TMEM50A: variants seen among roughly 807,000 people sequenced by gnomAD.
TMEM50A encodes cervical cancer oncogene 9.
TMEM50A carries 8 observed loss-of-function variants against 23.9 expected under a neutral mutation model. The ratio of observed to expected loss-of-function variants is 0.33; its 90% CI spans 0.20 to 0.60. The LOEUF is 0.60. TMEM50A is among the 20% of genes least tolerant of loss of function. TMEM50A has a pLI of 0.81. For missense variants in TMEM50A, 178 were observed against 192.7 expected, an observed-to-expected ratio of 0.92 and a Z score of 0.45; for synonymous variants, 55 against 60.4, an observed-to-expected ratio of 0.91 and a Z score of 0.41.
At chr1:25,338,536 G>T in intron 1 of TMEM50A, 80 bp downstream of exon 1, 1 of 152,604 alleles carries the variant, frequency 6.6e-6, no homozygotes, top group Non-Finnish European at 1.5e-5. Context: ...CCGTCTGACG[G>T]GCTGGTGCCC....
chr1:25,351,837 G>T (rs1287679368), intron 4 of TMEM50A, 144 bp downstream of exon 4: 15 of 712,458 alleles, frequency 2.1e-5, no homozygotes, highest in Admixed American at 2.1e-4. Flanking sequence ...TATGTTTTGG[G>T]CTTGAAATTG....
rs1645420609 is a variant in TMEM50A, at chr1:25,362,277, G to C, written c.*1572G>C. ...AATTAACCCAAAACTTTAATAATGTGTCTGTAACCAAGAAAATATTGATAG... is the reference window on the plus strand; with the variant it reads ...AATTAACCCAAAACTTTAATAATGTCTCTGTAACCAAGAAAATATTGATAG... On this transcript the variant is annotated 3_prime_UTR_variant, in exon 7 of 7. Transcript: ENST00000374358. 1 of 796,832 alleles carries C rather than the reference G, an allele frequency of 1.3e-6. No individual in the cohort carries two copies. The highest frequency in any genetic ancestry group is 1.9e-5 in the South Asian group (1 of 53,492). 49.4% of individuals were successfully genotyped at this position (796,832 alleles called of 1,614,324 possible). A position where few individuals can be genotyped will look rare whatever the true frequency, so the allele number is the denominator to read the frequency against.
intron 1 of TMEM50A, among the ~76,000 whole-genome samples, chr1:25,339,195 G>A (rs1045870411): frequency 7.2e-5 from 11 of 152,208 alleles, no homozygotes; most frequent in African/African-American, 2.7e-4. Flanking sequence ...AGGAGTTTGG[G>A]TGTTGTTATT....
At chr1:25,351,542 C>G (rs1645275599) in intron 3 of TMEM50A, 84 bp from the exon 4 acceptor site, 2 of 1,218,758 alleles carry the variant, frequency 1.6e-6, no homozygotes, top group Admixed American at 2.4e-5. Flanking sequence ...CAGGCCTAAC[C>G]TTACATTTGA....
chr1:25,351,542 C>A, intron 3 of TMEM50A, 84 bp from the exon 4 acceptor site: 2 of 1,218,858 alleles, frequency 1.6e-6, no homozygotes, highest in Non-Finnish European at 2.3e-6. Flanking sequence ...CAGGCCTAAC[C>A]TTACATTTGA....
rs1405637075 is a variant in TMEM50A, at chr1:25,355,995, G to A, written c.368-798G>A. Reference sequence around the variant, plus strand: ...GACTGTGCTGTAAAATATATCCTGAGTCTAACCACCATTTACCATCTCTCC... The same window carrying A: ...GACTGTGCTGTAAAATATATCCTGAATCTAACCACCATTTACCATCTCTCC... On this transcript the variant is annotated intron_variant, in intron 5 of 6. Coordinates refer to ENST00000374358, the MANE Select transcript of TMEM50A (RefSeq NM_014313.4). Among the ~76,000 whole-genome samples the A allele has an allele frequency of 3.3e-5, 5 of 152,234 alleles. No homozygotes were observed. In the South Asian group the frequency reaches 1.0e-3, roughly 32 times the overall value.
intron 2 of TMEM50A, among the ~76,000 whole-genome samples, chr1:25,341,780 G>A (rs1239717666): frequency 1.3e-5 from 2 of 152,014 alleles, no homozygotes; most frequent in African/African-American, 4.8e-5. Context: ...TTGCAACCTC[G>A]ACCTCCCGGG....
chr1:25,351,978 A>G (rs1381123531), intron 4 of TMEM50A, among the ~76,000 whole-genome samples: 3 of 152,226 alleles, frequency 2.0e-5, no homozygotes, highest in Non-Finnish European at 4.4e-5. Flanking sequence ...CCATTTATTT[A>G]TAGCAAATCT....
intron 5 of TMEM50A, among the ~76,000 whole-genome samples, chr1:25,354,639 GAAA>G (rs1476270196): frequency 6.6e-6 from 1 of 151,922 alleles, no homozygotes. Context: ...AAGAAAAAAA[GAAA>G]AAGAAGTAAT....
rs1355496028 is a variant in TMEM50A at position 25,362,148 on chromosome 1, G to A, written c.*1443G>A. 1 of 377,424 alleles carries A rather than the reference G, an allele frequency of 2.6e-6. No homozygotes were observed. The highest frequency in any genetic ancestry group is 4.2e-5 in the Admixed American group (1 of 24,002). 23.4% of individuals were successfully genotyped at this position (377,424 alleles called of 1,614,324 possible). On this transcript the variant is annotated 3_prime_UTR_variant, in exon 7 of 7. Coordinates refer to ENST00000374358, the MANE Select transcript of TMEM50A (RefSeq NM_014313.4). ...CACAAGGACTAAGTATCAGTGATTTGTAATTTTCCTGTTTTGTATTATCTG... is the reference window on the plus strand; with the variant it reads ...CACAAGGACTAAGTATCAGTGATTTATAATTTTCCTGTTTTGTATTATCTG...
intron 6 of TMEM50A, among the ~76,000 whole-genome samples, chr1:25,357,528 A>AGT (rs58801158): frequency 0.43 from 59,197 of 138,850 alleles, 12,492 homozygotes; most frequent in East Asian, 0.58. Context: ...CTGCATCAGG[A>AGT]GTGTGTGTGT....
intron 3 of TMEM50A, among the ~76,000 whole-genome samples, chr1:25,346,868 A>C (rs1645223961): frequency 6.6e-6 from 1 of 151,980 alleles, no homozygotes; most frequent in African/African-American, 2.4e-5. Context: ...AAAAATACAA[A>C]AATCAGCCGG....
intron 3 of TMEM50A, among the ~76,000 whole-genome samples, chr1:25,349,467 C>T (rs1248319992): frequency 2.0e-5 from 3 of 152,026 alleles, no homozygotes; most frequent in African/African-American, 4.8e-5. Flanking sequence ...ATATATGAAA[C>T]CTGTTTTTAA....
At chr1:25,353,115 C>T in intron 5 of TMEM50A, 141 bp downstream of exon 5, 1 of 631,060 alleles carries the variant, frequency 1.6e-6, no homozygotes, top group Non-Finnish European at 2.7e-6. Flanking sequence ...CCCCCACCCT[C>T]CACCGACAGT....
At chr1:25,359,827 G>A (rs1645376396) in intron 6 of TMEM50A, among the ~76,000 whole-genome samples, 1 of 152,064 alleles carries the variant, frequency 6.6e-6, no homozygotes, top group African/African-American at 2.4e-5. Flanking sequence ...TTCCACAAAA[G>A]CCCATCTCAC....
chr1:25,353,865 C>A (rs369667789), intron 5 of TMEM50A, among the ~76,000 whole-genome samples: 1 of 152,100 alleles, frequency 6.6e-6, no homozygotes, highest in Admixed American at 6.6e-5. Context: ...CATATTTTAA[C>A]ACTTATTTGA....
chr1:25,356,940 T>C, intron 6 of TMEM50A, 87 bp downstream of exon 6: 2 of 922,932 alleles, frequency 2.2e-6, no homozygotes, highest in Non-Finnish European at 3.3e-6. Flanking sequence ...GTTGCCTAAT[T>C]ACTCATCCAA....
intron 3 of TMEM50A, 65 bp from the exon 4 acceptor site, chr1:25,351,561 A>G: frequency 1.5e-6 from 2 of 1,342,756 alleles, no homozygotes; most frequent in South Asian, 1.3e-5. Context: ...GAGAAACTGT[A>G]GATTATTGTT....
intron 5 of TMEM50A, among the ~76,000 whole-genome samples, chr1:25,353,979 T>A (rs1645306497): frequency 6.6e-6 from 1 of 152,136 alleles, no homozygotes; most frequent in Non-Finnish European, 1.5e-5. Context: ...TTTGTATTTT[T>A]AATTTTATTT....
Sources: allele counts gnomAD v4.1 joint callset (sites outside exome capture counted in the v4.1 genomes callset), GRCh38; gene constraint gnomAD v4.1.1; transcripts MANE v1.5; gene names NCBI Gene and HGNC (gene_info 2026-07-23, HGNC 2026-07-21).